FAM222A: variants seen among roughly 807,000 people sequenced by gnomAD.
FAM222A encodes the protein family with sequence similarity 222 member A.
In FAM222A, 7 loss-of-function variants were observed where a neutral mutation model predicts 25.8. That is an observed-to-expected ratio of 0.27 (90% CI 0.15 to 0.51). The LOEUF (loss-of-function observed/expected upper bound fraction) is 0.51, where lower values mean the gene tolerates loss of function less well. Among genes scored for constraint, FAM222A ranks in the 20% least tolerant of loss-of-function variants. The probability of loss-of-function intolerance (pLI) is 0.97; values close to 1 mark genes in which losing one functional copy is unlikely to be tolerated. For missense variants in FAM222A, 573 were observed against 640.5 expected (o/e 0.89, Z 1.14); for synonymous variants, 294 against 298.8 (o/e 0.98, Z 0.17).
At chr12:109,745,908 C>T (rs1211675456) in intron 2 of FAM222A, among the ~76,000 whole-genome samples, 23 of 141,128 alleles carry the variant, frequency 1.6e-4, no homozygotes, top group South Asian at 6.8e-4. Flanking sequence ...TCCTTGGCTC[C>T]TTTTTTTTTT....
rs773133949 is a variant in FAM222A, at chr12:109,768,056, CCAG to C, written c.131_133del (p.Ala44del). The C allele has an allele frequency of 6.2e-7, 1 of 1,613,758 alleles. No individual in the cohort carries two copies. The highest frequency in any genetic ancestry group is 8.5e-7 in the Non-Finnish European group (1 of 1,180,034). ...CATGCATTCCTCCCGCTACCCGAGC[CCAG>C]CAGAACTGGACGCCTATGCCGAGAA... is the stretch of plus-strand genomic sequence containing the variant. On this transcript the variant is annotated inframe_deletion, in exon 3 of 3. Transcript: ENST00000538780.
At chr12:109,751,672 C>T (rs1050375391) in intron 2 of FAM222A, among the ~76,000 whole-genome samples, 1 of 152,204 alleles carries the variant, frequency 6.6e-6, no homozygotes, top group Non-Finnish European at 1.5e-5. Context: ...ACCTATTTTT[C>T]TCTTCTAAAC....
chr12:109,763,271 G>A (rs1410229760), intron 2 of FAM222A, among the ~76,000 whole-genome samples: 3 of 152,242 alleles, frequency 2.0e-5, no homozygotes, highest in Non-Finnish European at 2.9e-5. Context: ...GAGACTCTGA[G>A]CTTCCACTTC....
At chr12:109,736,149 C>G (rs189873250) in intron 1 of FAM222A, among the ~76,000 whole-genome samples, 3 of 152,336 alleles carry the variant, frequency 2.0e-5, no homozygotes, top group Admixed American at 2.0e-4. Flanking sequence ...GTGAGGTGCT[C>G]TCAGTGACTC....
chr12:109,733,372 A>G (rs1202726613), intron 1 of FAM222A, among the ~76,000 whole-genome samples: 2 of 152,192 alleles, frequency 1.3e-5, no homozygotes, highest in South Asian at 2.1e-4. Context: ...CTGCTAGAAA[A>G]TGTACAATTA....
At chr12:109,765,100 A>G (rs971837783) in intron 2 of FAM222A, among the ~76,000 whole-genome samples, 3 of 152,184 alleles carry the variant, frequency 2.0e-5, no homozygotes, top group Admixed American at 6.5e-5. Context: ...AGCCCACTGA[A>G]GCTCATTTGC....
chr12:109,744,923 C>A, intron 2 of FAM222A: 1 of 385,836 alleles, frequency 2.6e-6, no homozygotes, highest in Non-Finnish European at 3.5e-6. Flanking sequence ...AAAGGGATGT[C>A]TGTCTCCAGG....
At chr12:109,765,064 C>T (rs1406867403) in intron 2 of FAM222A, among the ~76,000 whole-genome samples, 1 of 152,222 alleles carries the variant, frequency 6.6e-6, no homozygotes, top group Non-Finnish European at 1.5e-5. Flanking sequence ...TCAGACCACA[C>T]CCTTCACCCA....
chr12:109,761,535 C>T (rs1433186613), intron 2 of FAM222A, among the ~76,000 whole-genome samples: 4 of 152,228 alleles, frequency 2.6e-5, no homozygotes, highest in Non-Finnish European at 5.9e-5. Context: ...GCATTTGGGG[C>T]TTGTTCCTTC....
At position 109,768,489 on chromosome 12, in the gene FAM222A, G is replaced by A. The variant is rs201283705; in HGVS notation, c.560G>A (p.Arg187Gln). Residue 187 changes from arginine to glutamine, a missense_variant, in exon 3 of 3, where the codon CGG (arginine) becomes CAG (glutamine). Arg to Gln is a conservative substitution (Grantham distance 43, BLOSUM62 1). This residue lies in a region of FAM222A where 412 missense variants were observed against 407.0 expected (regional missense o/e 1.01). Coordinates refer to ENST00000538780, the MANE Select transcript of FAM222A (RefSeq NM_032829.3). ...GCCTCCGTCATCCCCCTGCCGGGCC[G>A]GGGCCTGCCCCTGCCACCTTCCAAC... ...TAASVIPLPG[R>Q]GLPLPPSNLP... 409 of 1,604,340 alleles carry A rather than the reference G, an allele frequency of 2.5e-4. 1 individual carries two copies. The Middle Eastern group carries it at 4.8e-3, about 19-fold the overall frequency.
intron 2 of FAM222A, among the ~76,000 whole-genome samples, chr12:109,748,917 G>C (rs1888482112): frequency 6.6e-6 from 1 of 151,910 alleles, no homozygotes; most frequent in Non-Finnish European, 1.5e-5. Flanking sequence ...TTCCCTTAGA[G>C]AGTTACATTT....
intron 2 of FAM222A, among the ~76,000 whole-genome samples, chr12:109,746,827 T>C (rs888992049): frequency 6.6e-6 from 1 of 152,194 alleles, no homozygotes; most frequent in Admixed American, 6.5e-5. Flanking sequence ...ATTTCCCTAT[T>C]CTGGACTAGT....
At chr12:109,759,344 T>A (rs1293492402) in intron 2 of FAM222A, among the ~76,000 whole-genome samples, 1 of 151,998 alleles carries the variant, frequency 6.6e-6, no homozygotes, top group African/African-American at 2.4e-5. Context: ...TGGGGTCCCA[T>A]ATCACAGGCC....
intron 1 of FAM222A, among the ~76,000 whole-genome samples, chr12:109,733,063 A>T (rs1887985443): frequency 6.6e-6 from 1 of 152,038 alleles, no homozygotes; most frequent in Admixed American, 6.6e-5. Flanking sequence ...CTCTCGGAGG[A>T]GGTGATGTTT....
intron 2 of FAM222A, among the ~76,000 whole-genome samples, chr12:109,746,441 A>G (rs1333343103): frequency 6.6e-6 from 1 of 152,126 alleles, no homozygotes; most frequent in African/African-American, 2.4e-5. Flanking sequence ...GTAAGCCAAG[A>G]TAGCGCCACT....
intron 1 of FAM222A, among the ~76,000 whole-genome samples, chr12:109,742,591 C>T (rs1190667877): frequency 6.9e-6 from 1 of 145,514 alleles, no homozygotes; most frequent in Non-Finnish European, 1.5e-5. Flanking sequence ...CTCCATCCTC[C>T]ACTCTCTCTC....
At position 109,769,361 on chromosome 12, in the gene FAM222A, C is replaced by T. The variant is rs1049505051; in HGVS notation, c.*73C>T. On this transcript the variant is annotated 3_prime_UTR_variant, in exon 3 of 3. Transcript: ENST00000538780. ...GAGGCAGGCCGCAGAACAGGGTGGGCGGCTCGCAGGGGCGCTCAGCCCCAC... is the reference window on the plus strand; with the variant it reads ...GAGGCAGGCCGCAGAACAGGGTGGGTGGCTCGCAGGGGCGCTCAGCCCCAC... The T allele has an allele frequency of 5.8e-5, 85 of 1,475,564 alleles. No individual in the cohort carries two copies. The African/African-American group carries it at 9.2e-4, about 16-fold the overall frequency. 91.4% of individuals were successfully genotyped at this position (1,475,564 alleles called of 1,614,324 possible).
At chr12:109,740,785 C>A (rs370556498) in intron 1 of FAM222A, among the ~76,000 whole-genome samples, 14 of 152,204 alleles carry the variant, frequency 9.2e-5, no homozygotes, top group Admixed American at 3.9e-4. Context: ...GTCCCTACCC[C>A]TAAGAAACAC....
chr12:109,716,912 C>T (rs564990014), intron 1 of FAM222A, among the ~76,000 whole-genome samples: 35 of 152,340 alleles, frequency 2.3e-4, no homozygotes, highest in South Asian at 6.2e-4. Flanking sequence ...GTGGCTCATA[C>T]GCTGTGGCCC....
Sources: gnomAD v4.1 joint callset for allele counts (sites outside exome capture counted in the v4.1 genomes callset) on GRCh38, gnomAD v4.1.1 for gene constraint, gnomAD v4.1.1 regional missense constraint, MANE v1.5 for transcripts, NCBI Gene and HGNC (gene_info 2026-07-23, HGNC 2026-07-21) for gene names.